The following CNRIP1 variants were observed in gnomAD, a reference collection of about 807,000 sequenced individuals.
CNRIP1 encodes cannabinoid receptor interacting protein 1, also known as CB1 cannabinoid receptor-interacting protein 1.
Under a neutral mutation model 15.2 loss-of-function variants are expected in CNRIP1, and 10 were observed. The observed-to-expected ratio is 0.66, with a 90% CI of 0.41 to 1.12. CNRIP1 has a LOEUF of 1.12. Among genes scored for constraint, CNRIP1 ranks in the 50% most tolerant of loss-of-function variants. The probability of loss-of-function intolerance (pLI) is 0.00; values close to 1 mark genes in which losing one functional copy is unlikely to be tolerated. For missense variants in CNRIP1, 211 were observed against 214.7 expected (o/e 0.98, Z 0.11); for synonymous variants, 91 against 83.2 (o/e 1.09, Z -0.51).
At chr2:68,286,881 T>C (rs1671044856) in intron 2 of CNRIP1, among the ~76,000 whole-genome samples, 1 of 152,240 alleles carries the variant, frequency 6.6e-6, no homozygotes. Context: ...ATTTTAAAAA[T>C]GGAAATCATA....
At chr2:68,304,382 A>T (rs921620391) in intron 2 of CNRIP1, among the ~76,000 whole-genome samples, 1 of 138,448 alleles carries the variant, frequency 7.2e-6, no homozygotes, top group Non-Finnish European at 1.5e-5. Flanking sequence ...GGTCTGGGTG[A>T]CAGAGTGAGA....
chr2:68,286,495 A>G (rs1056149946), intron 2 of CNRIP1, among the ~76,000 whole-genome samples: 8 of 152,360 alleles, frequency 5.3e-5, no homozygotes, highest in South Asian at 4.1e-4. Flanking sequence ...ACTATCTGAT[A>G]AAGGTAAAGG....
Position 68,293,979 on chromosome 2 carries a change from G to A in CNRIP1, c.378C>T (p.Tyr126=), listed in dbSNP as rs149241671. Residue 126 remains tyrosine, a synonymous_variant, in exon 3 of 3, where the codon TAC becomes TAT. Transcript: ENST00000263655. Reference sequence around the variant, plus strand: ...GGCAGTGATCCCGCTTGTGGTAATTGTAGAACTTGACTTGCCACACTGTCT... The same window carrying A: ...GGCAGTGATCCCGCTTGTGGTAATTATAGAACTTGACTTGCCACACTGTCT... ...TFETVWQVKF[Y]NYHKRDHCQW... is the part of the protein sequence containing the mutation. 1 of 1,613,936 alleles carries A rather than the reference G, an allele frequency of 6.2e-7. No homozygotes were observed. The highest frequency in any genetic ancestry group is 1.3e-5 in the African/African-American group (1 of 74,892).
intron 2 of CNRIP1, among the ~76,000 whole-genome samples, chr2:68,305,754 C>A (rs560077782): frequency 6.7e-6 from 1 of 149,698 alleles, no homozygotes; most frequent in Non-Finnish European, 1.5e-5. Flanking sequence ...CGAGATGGCA[C>A]CACTGCACTG....
At chr2:68,291,258 C>T (rs946863554), downstream of CNRIP1, among the ~76,000 whole-genome samples, 1 of 152,150 alleles carries the variant, frequency 6.6e-6, no homozygotes, top group African/African-American at 2.4e-5. Context: ...AACACATACA[C>T]ATACGACATA....
At chr2:68,292,835 C>T (rs3732043), downstream of CNRIP1, among the ~76,000 whole-genome samples, 12,776 of 152,210 alleles carry the variant, frequency 0.084, 815 homozygotes, top group East Asian at 0.19. Context: ...CCCTGTTAAA[C>T]TTGGCTGGAG....
intron 2 of CNRIP1, among the ~76,000 whole-genome samples, chr2:68,312,681 T>TA (rs1421464937): frequency 6.6e-6 from 1 of 152,146 alleles, no homozygotes; most frequent in African/African-American, 2.4e-5. Context: ...GATGACATGA[T>TA]AGCATATTTA....
chr2:68,284,581 G>T (rs1254171897), intron 2 of CNRIP1: 2 of 694,660 alleles, frequency 2.9e-6, no homozygotes, highest in Non-Finnish European at 4.7e-6. Flanking sequence ...GGAGGCCAAG[G>T]CAGGCAGATC....
chr2:68,295,577 A>G (rs1245312168), intron 2 of CNRIP1, among the ~76,000 whole-genome samples: 1 of 152,246 alleles, frequency 6.6e-6, no homozygotes, highest in Non-Finnish European at 1.5e-5. Flanking sequence ...ATAAAGGAAG[A>G]CATGCTGATT....
At chr2:68,285,390 A>G (rs1444331215) in intron 2 of CNRIP1, among the ~76,000 whole-genome samples, 2 of 152,328 alleles carry the variant, frequency 1.3e-5, no homozygotes, top group Admixed American at 6.5e-5. Context: ...TCTTCATACA[A>G]TCAATCTTAA....
At chr2:68,298,111 T>C (rs1216928040) in intron 2 of CNRIP1, among the ~76,000 whole-genome samples, 1 of 152,154 alleles carries the variant, frequency 6.6e-6, no homozygotes, top group Admixed American at 6.5e-5. Context: ...AATGAAATTA[T>C]GACTTTGTTC....
downstream of CNRIP1, among the ~76,000 whole-genome samples, chr2:68,290,024 C>CTTTT (rs35429690): frequency 5.9e-4 from 53 of 89,638 alleles, no homozygotes; most frequent in Non-Finnish European, 7.5e-4. Context: ...AGAATCTGAA[C>CTTTT]TTTTTTTTTT....
At chr2:68,284,553 C>A in intron 2 of CNRIP1, 2 of 1,036,710 alleles carry the variant, frequency 1.9e-6, no homozygotes, top group East Asian at 2.7e-5. Flanking sequence ...GACTCACGCC[C>A]GTAATCCCAG....
chr2:68,319,700 C>G lies in CNRIP1; in HGVS notation c.-300G>C. On this transcript the variant is annotated 5_prime_UTR_variant, in exon 1 of 3. Transcript: ENST00000263655. ...GCTGCGCCCTCCACGCACCCGAAGG[C>G]TCGCTCTGGCCCGCAGGCCGCCGCG... is the stretch of plus-strand genomic sequence containing the variant. The G allele has an allele frequency of 2.8e-6, 1 of 355,218 alleles. No homozygotes were observed. Among genetic ancestry groups the G allele is most frequent in the Non-Finnish European group, 5.2e-6 (1 of 193,322 alleles). 22.0% of individuals were successfully genotyped at this position (355,218 alleles called of 1,614,324 possible). A position where few individuals can be genotyped will look rare whatever the true frequency, so the allele number is the denominator to read the frequency against.
chr2:68,284,336 T>G, exon 3 of CNRIP1: 1 of 762,990 alleles, frequency 1.3e-6, no homozygotes, highest in East Asian at 3.1e-5. Context: ...TGATGGCCTG[T>G]GAGAAGCCCT....
Position 68,300,543 on chromosome 2 carries a change from G to A in CNRIP1, c.331-6517C>T, listed in dbSNP as rs968114356. 9.2e-5 allele frequency among the ~76,000 whole-genome samples: 14 copies of A among 152,126 alleles called. No homozygotes were observed. The East Asian group carries it at 2.3e-3, about 25-fold the overall frequency. ...GAGGCAGGAGAATTGCTTGAACCTG[G>A]AAAACGGAGGTTGCAGTGAGCTGAG... On this transcript the variant is annotated intron_variant, in intron 2 of 2. Transcript: ENST00000263655.
intron 2 of CNRIP1, among the ~76,000 whole-genome samples, chr2:68,302,373 T>C (rs1014296932): frequency 6.6e-6 from 1 of 152,140 alleles, no homozygotes; most frequent in Non-Finnish European, 1.5e-5. Flanking sequence ...CTCACCAGTC[T>C]CCCAGTGAAG....
intron 2 of CNRIP1, among the ~76,000 whole-genome samples, chr2:68,285,386 T>C (rs1323707233): frequency 6.6e-6 from 1 of 152,216 alleles, no homozygotes; most frequent in East Asian, 1.9e-4. Flanking sequence ...AATGTCTTCA[T>C]ACAATCAATC....
chr2:68,287,178 T>C (rs2103875622), intron 2 of CNRIP1, among the ~76,000 whole-genome samples: 1 of 152,318 alleles, frequency 6.6e-6, no homozygotes, highest in Non-Finnish European at 1.5e-5. Context: ...AGACCATTAC[T>C]TTTTTCTTTT....
Sources: gnomAD v4.1 joint callset for allele counts (sites outside exome capture counted in the v4.1 genomes callset) on GRCh38, gnomAD v4.1.1 for gene constraint, MANE v1.5 for transcripts, NCBI Gene and HGNC (gene_info 2026-07-23, HGNC 2026-07-21) for gene names.